The following VPS13A variants were observed in gnomAD, a reference collection of about 807,000 sequenced individuals.
The protein encoded by VPS13A is vacuolar protein sorting 13 homolog A, also known as intermembrane lipid transfer protein VPS13A.
VPS13A carries 264 observed loss-of-function variants against 390.9 expected under a neutral mutation model. That is an observed-to-expected ratio of 0.68 (90% CI 0.61 to 0.75). VPS13A has a LOEUF of 0.75. Ranked by LOEUF, VPS13A falls within the 30% of genes least tolerant of loss-of-function variation. VPS13A has a pLI of 0.00. For missense variants in VPS13A, 3,409 were observed against 3,733.9 expected (o/e 0.91, Z 2.27); for synonymous variants, 1,231 against 1,227.1 (o/e 1.00, Z -0.07).
chr9:77,414,739 T>TTATTAATAATAA (rs1835097116), intron 71 of VPS13A, among the ~76,000 whole-genome samples: 1 of 145,672 alleles, frequency 6.9e-6, no homozygotes, highest in South Asian at 2.2e-4. Context: ...TGAAGTATAA[T>TTATTAATAATAA]TAATAATAAT....
intron 32 of VPS13A, among the ~76,000 whole-genome samples, chr9:77,294,658 G>T (rs2131374324): frequency 6.6e-6 from 1 of 152,154 alleles, no homozygotes; most frequent in East Asian, 1.9e-4. Flanking sequence ...ACATCATTTT[G>T]TACACAAAAA....
chr9:77,238,127 T>C lies in VPS13A; in HGVS notation c.1721T>C (p.Leu574Ser). 6.2e-7 allele frequency: 1 copy of C among 1,613,808 alleles called. No individual in the cohort carries two copies. The highest frequency in any genetic ancestry group is 8.5e-7 in the Non-Finnish European group (1 of 1,179,834). Residue 574 changes from leucine to serine, a missense_variant, in exon 18 of 72, where the codon TTA (leucine) becomes TCA (serine). Around this residue, in one of 5 missense-constraint regions of VPS13A, gnomAD observed 2,717 missense variants for 2,917.4 expected, o/e 0.93. Transcript: ENST00000360280. ...LFQITFEINP[L>S]DETVSQRCII... ...CAAATTACATTTGAGATAAATCCAT[T>C]AGATGAAACTGTTTCTCAGAGGTGT... is the stretch of plus-strand genomic sequence containing the variant.
intron 56 of VPS13A, 116 bp from the exon 57 acceptor site, chr9:77,358,241 C>G: frequency 1.1e-6 from 1 of 892,716 alleles, no homozygotes; most frequent in South Asian, 1.4e-5. Flanking sequence ...CAGGCGTGAG[C>G]CACCGTGCTT....
chr9:77,362,844 A>G (rs1450095600), intron 59 of VPS13A, among the ~76,000 whole-genome samples: 1 of 152,098 alleles, frequency 6.6e-6, no homozygotes, highest in Non-Finnish European at 1.5e-5. Flanking sequence ...CATTAAATTT[A>G]TTCCTATGTA....
At chr9:77,303,831 C>T (rs1322737646) in intron 34 of VPS13A, among the ~76,000 whole-genome samples, 1 of 152,292 alleles carries the variant, frequency 6.6e-6, no homozygotes, top group African/African-American at 2.4e-5. Context: ...AAACATGTCT[C>T]GCCTCCCACC....
At chr9:77,254,890 G>A (rs1825350377) in intron 22 of VPS13A, among the ~76,000 whole-genome samples, 1 of 152,144 alleles carries the variant, frequency 6.6e-6, no homozygotes, top group Non-Finnish European at 1.5e-5. Flanking sequence ...GGATTCTAAA[G>A]TTCTAACAGA....
intron 17 of VPS13A, among the ~76,000 whole-genome samples, chr9:77,235,240 A>G (rs888932530): frequency 6.6e-6 from 1 of 152,186 alleles, no homozygotes; most frequent in Non-Finnish European, 1.5e-5. Flanking sequence ...TCTACTAATG[A>G]CAGACAGACT....
At chr9:77,412,172 G>T (rs1834967421) in intron 71 of VPS13A, among the ~76,000 whole-genome samples, 3 of 152,254 alleles carry the variant, frequency 2.0e-5, no homozygotes, top group African/African-American at 7.2e-5. Flanking sequence ...GGTATAAGGA[G>T]GAGCTGGTAC....
At chr9:77,190,843 T>G (rs149459457) in intron 1 of VPS13A, among the ~76,000 whole-genome samples, 62 of 152,344 alleles carry the variant, frequency 4.1e-4, no homozygotes, top group Non-Finnish European at 7.3e-4. Context: ...CTTGTAGATT[T>G]TCTAGTTAGT....
At position 77,308,056 on chromosome 9, in the gene VPS13A, G is replaced by C. The variant is rs1042758819; in HGVS notation, c.4072G>C (p.Ala1358Pro). The C allele has an allele frequency of 5.6e-6, 9 of 1,613,820 alleles. No homozygotes were observed. Among genetic ancestry groups the C allele is most frequent in the Non-Finnish European group, 7.6e-6 (9 of 1,179,928 alleles). Reference sequence around the variant, plus strand: ...TGCTGTAACAAAAGACCAATACAGTGCCACTAGTGGAGTTACTACTAATGC... The same window carrying C: ...TGCTGTAACAAAAGACCAATACAGTCCCACTAGTGGAGTTACTACTAATGC... ...SPAVTKDQYS[A>P]TSGVTTNASH... Residue 1358 changes from alanine (A) to proline (P), a missense_variant, in exon 35 of 72, where the codon GCC (alanine) becomes CCC (proline). Ala to Pro is a conservative substitution (Grantham distance 27). Coordinates refer to ENST00000360280, the MANE Select transcript of VPS13A (RefSeq NM_033305.3).
rs563605718 is a variant in VPS13A at position 77,371,335 on chromosome 9, T to C, written c.9077+186T>C. Among the ~76,000 whole-genome samples the C allele has an allele frequency of 2.0e-5, 3 of 152,230 alleles. No homozygotes were observed. The South Asian group carries it at 6.2e-4, about 32-fold the overall frequency. On this transcript the variant is annotated intron_variant, in intron 67 of 71. Coordinates refer to ENST00000360280, the MANE Select transcript of VPS13A (RefSeq NM_033305.3). ...ATTTATTGGCTCACGGTTCTGAAAG[T>C]TAAGAAGTCCAAGATTGAGAGGCAA...
chr9:77,199,815 C>A, intron 1 of VPS13A, 130 bp from the exon 2 acceptor site: 1 of 689,408 alleles, frequency 1.5e-6, no homozygotes, highest in Non-Finnish European at 2.4e-6. Flanking sequence ...AGATTATAGG[C>A]AGATTATATT....
At chr9:77,178,266 C>T (rs2297426) in intron 1 of VPS13A, 28,607 of 160,490 alleles carry the variant, frequency 0.18, 3,192 homozygotes, top group East Asian at 0.39. Flanking sequence ...CATGCTGCCT[C>T]GCACGTGAAG....
chr9:77,377,219 T>TTTTTTG (rs1805682076), intron 67 of VPS13A, among the ~76,000 whole-genome samples: 2 of 135,686 alleles, frequency 1.5e-5, no homozygotes, highest in Admixed American at 7.3e-5. Flanking sequence ...TTTTTTTTTT[T>TTTTTTG]TTTTTTTTTT....
Position 77,339,863 on chromosome 9 carries a change from G to C in VPS13A, c.6726G>C (p.Lys2242Asn). 6.2e-7 allele frequency: 1 copy of C among 1,613,366 alleles called. No individual in the cohort carries two copies. The highest frequency in any genetic ancestry group is 8.5e-7 in the Non-Finnish European group (1 of 1,179,896). Residue 2242 changes from lysine to asparagine, a missense_variant, in exon 48 of 72, where the codon AAG becomes AAC. Physicochemically the swap from Lys to Asn is moderately conservative, Grantham distance 94. This residue lies in a region of VPS13A where 2,717 missense variants were observed against 2,917.4 expected (regional missense o/e 0.93). Transcript: ENST00000360280. ...IHRKHPPNYK[K>N]PVLFSFQPNH... is the part of the protein sequence containing the mutation. ...GAAAGCATCCACCTAATTATAAAAA[G>C]CCAGTTCTCTTTTCTTTTCAGCCAA... is the stretch of plus-strand genomic sequence containing the variant.
chr9:77,254,402 G>A (rs1209354787), intron 22 of VPS13A, among the ~76,000 whole-genome samples: 1 of 152,112 alleles, frequency 6.6e-6, no homozygotes, highest in Admixed American at 6.6e-5. Context: ...TGGTCTCTAT[G>A]TCTTTATTTT....
chr9:77,289,121 A>G (rs1301104361), intron 31 of VPS13A, among the ~76,000 whole-genome samples: 1 of 152,056 alleles, frequency 6.6e-6, no homozygotes, highest in Non-Finnish European at 1.5e-5. Context: ...TTTTTGATGC[A>G]AAGTCTCACT....
At position 77,206,031 on chromosome 9, in the gene VPS13A, C is replaced by G; in HGVS notation, c.337C>G (p.Gln113Glu). The G allele has an allele frequency of 2.5e-6, 4 of 1,583,928 alleles. No individual in the cohort carries two copies. Among genetic ancestry groups the G allele is most frequent in the Non-Finnish European group, 2.6e-6 (3 of 1,163,170 alleles). Residue 113 changes from glutamine (Q) to glutamate (E), a missense_variant, in exon 5 of 72, where the codon CAG (glutamine) becomes GAG (glutamate). Physicochemically the swap from Gln to Glu is conservative, Grantham distance 29. Transcript: ENST00000360280. ...GAAACAACTCATGGAAGCAAAGCAACAGGAACTGAAAAGAATAGAAGAAGC... is the reference window on the plus strand; with the variant it reads ...GAAACAACTCATGGAAGCAAAGCAAGAGGAACTGAAAAGAATAGAAGAAGC... ...EEKQLMEAKQ[Q>E]ELKRIEEAKQ...
At chr9:77,203,982 G>A (rs998060141) in intron 3 of VPS13A, among the ~76,000 whole-genome samples, 11 of 152,102 alleles carry the variant, frequency 7.2e-5, no homozygotes. Flanking sequence ...TTGAGGCCAG[G>A]AGTTTGAGAC....
Sources: allele counts gnomAD v4.1 joint callset (sites outside exome capture counted in the v4.1 genomes callset), GRCh38; gene constraint gnomAD v4.1.1; regional missense constraint gnomAD v4.1.1; transcripts MANE v1.5; gene names NCBI Gene and HGNC (gene_info 2026-07-23, HGNC 2026-07-21).